The following ASTN1 variants were observed in gnomAD, a reference collection of about 807,000 sequenced individuals.
ASTN1 encodes astrotactin-1.
ASTN1 carries 41 observed loss-of-function variants against 140.7 expected under a neutral mutation model. That is an observed-to-expected ratio of 0.29 (90% CI 0.23 to 0.38). ASTN1 has a LOEUF of 0.38. Among genes scored for constraint, ASTN1 ranks in the 10% least tolerant of loss-of-function variants. The pLI, the probability that ASTN1 is intolerant of heterozygous loss-of-function variation, is 1.00. For missense variants in ASTN1, 1,479 were observed against 1,678.8 expected (o/e 0.88, Z 2.08); for synonymous variants, 640 against 652.2 (o/e 0.98, Z 0.29).
At chr1:176,917,435 A>G (rs1200223361) in intron 16 of ASTN1, among the ~76,000 whole-genome samples, 3 of 152,100 alleles carry the variant, frequency 2.0e-5, no homozygotes, top group African/African-American at 4.8e-5. Flanking sequence ...GTGGATGACC[A>G]TGCTTCATCT....
chr1:177,056,692 A>C (rs1203484248), intron 2 of ASTN1, among the ~76,000 whole-genome samples: 1 of 152,150 alleles, frequency 6.6e-6, no homozygotes, highest in East Asian at 1.9e-4. Flanking sequence ...CTTTAATTAA[A>C]GAGATGAAAT....
At chr1:176,930,427 G>C (rs1297032556) in intron 16 of ASTN1, among the ~76,000 whole-genome samples, 2 of 152,158 alleles carry the variant, frequency 1.3e-5, no homozygotes, top group African/African-American at 2.4e-5. Context: ...GCTGCAAAAG[G>C]ACAGCGCCCA....
intron 6 of ASTN1, 67 bp from the exon 7 acceptor site, chr1:177,023,638 G>A: frequency 6.9e-7 from 1 of 1,447,558 alleles, no homozygotes; most frequent in Non-Finnish European, 9.1e-7. Context: ...AGCCACCGAA[G>A]ACAAGGAAAT....
chr1:176,882,987 C>A lies in ASTN1; in HGVS notation c.3234G>T (p.Val1078=), dbSNP rs1336985551. The stretch of plus-strand genomic sequence containing the variant: ...AGATGATGTCGTCCACAAAGCTCAG[C>A]ACTGTTTCTGCCCAGAGGAGAAGGA... ...MDHSKVETET[V]LSFVDDIISG... is the part of the protein sequence containing the mutation. The change falls in exon 20 of 23, where the codon GTG becomes GTT. Residue 1078 remains valine (V), a synonymous_variant. Coordinates refer to ENST00000361833, the MANE Select transcript of ASTN1 (RefSeq NM_004319.3). The A allele has an allele frequency of 6.2e-7, 1 of 1,614,092 alleles. No homozygotes were observed. Among genetic ancestry groups the A allele is most frequent in the South Asian group, 1.1e-5 (1 of 91,080 alleles).
At chr1:176,902,879 G>A (rs888933160) in intron 16 of ASTN1, among the ~76,000 whole-genome samples, 1 of 152,184 alleles carries the variant, frequency 6.6e-6, no homozygotes, top group Non-Finnish European at 1.5e-5. Context: ...CACAGCCCAT[G>A]CATCTTAAGA....
intron 1 of ASTN1, among the ~76,000 whole-genome samples, chr1:177,141,579 G>A (rs1166592653): frequency 6.6e-6 from 1 of 152,138 alleles, no homozygotes; most frequent in African/African-American, 2.4e-5. Context: ...ACTCTGTGGG[G>A]ACTTGTAGGG....
chr1:177,022,804 C>A (rs1246198794), intron 7 of ASTN1, among the ~76,000 whole-genome samples: 3 of 152,064 alleles, frequency 2.0e-5, no homozygotes, highest in African/African-American at 7.2e-5. Context: ...TATAGACATA[C>A]AACGGAATAC....
intron 1 of ASTN1, among the ~76,000 whole-genome samples, chr1:177,094,009 C>T (rs1404455200): frequency 6.6e-6 from 1 of 152,074 alleles, no homozygotes; most frequent in African/African-American, 2.4e-5. Flanking sequence ...AAATGCCCTG[C>T]CAAAATTTCA....
intron 6 of ASTN1, 126 bp downstream of exon 6, chr1:177,024,457 T>C (rs1675995316): frequency 8.2e-7 from 1 of 1,226,956 alleles, no homozygotes; most frequent in African/African-American, 1.5e-5. Flanking sequence ...TCCTTACTTA[T>C]TTCAGTTTGG....
intron 16 of ASTN1, among the ~76,000 whole-genome samples, chr1:176,912,338 G>C (rs1670282830): frequency 6.6e-6 from 1 of 152,162 alleles, no homozygotes; most frequent in African/African-American, 2.4e-5. Flanking sequence ...ACATGGCTCT[G>C]CTTCAATAAA....
intron 1 of ASTN1, among the ~76,000 whole-genome samples, chr1:177,105,533 T>C (rs7519595): frequency 0.48 from 72,516 of 151,810 alleles, 18,313 homozygotes; most frequent in Middle Eastern, 0.58. Context: ...TTGGAAATGT[T>C]CTGTGGCGAT....
chr1:177,029,959 C>A (rs1037834375), intron 4 of ASTN1, among the ~76,000 whole-genome samples: 1 of 152,180 alleles, frequency 6.6e-6, no homozygotes, highest in African/African-American at 2.4e-5. Flanking sequence ...CCTGCCCCAC[C>A]CACTTCCCTC....
At chr1:177,003,275 T>TAA (rs11414408) in intron 8 of ASTN1, among the ~76,000 whole-genome samples, 568 of 146,682 alleles carry the variant, frequency 3.9e-3, no homozygotes, top group African/African-American at 0.012. Flanking sequence ...AACAACACAT[T>TAA]AAAAAAAAAA....
At position 176,936,847 on chromosome 1, in the gene ASTN1, G is replaced by A. The variant is rs77391769; in HGVS notation, c.2378-477C>T. Among the ~76,000 whole-genome samples, 257 of 152,184 alleles carry A rather than the reference G, an allele frequency of 1.7e-3. 4 individuals carry two copies. The highest frequency in any genetic ancestry group is 0.012 in the East Asian group (60 of 5,182). The stretch of plus-strand genomic sequence containing the variant: ...TGACCCCTTGCTTCCTTTTCAATTC[G>A]GATTTCTACCAGCTGTATGGTTTTG... On this transcript the variant is annotated intron_variant, in intron 14 of 22. Coordinates refer to ENST00000361833, the MANE Select transcript of ASTN1 (RefSeq NM_004319.3).
At chr1:176,919,275 G>A (rs948942377) in intron 16 of ASTN1, among the ~76,000 whole-genome samples, 3 of 152,224 alleles carry the variant, frequency 2.0e-5, no homozygotes, top group East Asian at 3.9e-4. Flanking sequence ...TTTTAAGAAA[G>A]AATAACTTAT....
chr1:176,991,436 C>CAAAAAAAAAAAAAAAAAAAAAAAAAACAA (rs1173420812), intron 8 of ASTN1, among the ~76,000 whole-genome samples: 2 of 13,834 alleles, frequency 1.4e-4, no homozygotes, highest in African/African-American at 4.2e-4. Context: ...AAAAAAAAAC[C>CAAAAAAAAAAAAAAAAAAAAAAAAAACAA]AAAAAAAAAA....
At chr1:176,923,551 A>G (rs1670827857) in intron 16 of ASTN1, among the ~76,000 whole-genome samples, 1 of 152,186 alleles carries the variant, frequency 6.6e-6, no homozygotes, top group Admixed American at 6.5e-5. Context: ...AATAAGTACA[A>G]TAAGACATTT....
At chr1:176,999,808 G>A (rs959294312) in intron 8 of ASTN1, among the ~76,000 whole-genome samples, 1 of 152,078 alleles carries the variant, frequency 6.6e-6, no homozygotes, top group Non-Finnish European at 1.5e-5. Flanking sequence ...ATGGTTTTAT[G>A]TGTCTGGCAT....
chr1:177,027,025 C>T (rs1238062182), intron 5 of ASTN1, among the ~76,000 whole-genome samples: 1 of 152,188 alleles, frequency 6.6e-6, no homozygotes. Context: ...AAGAAAACCA[C>T]AAACCTGCAC....
Sources: allele counts gnomAD v4.1 joint callset (sites outside exome capture counted in the v4.1 genomes callset), GRCh38; gene constraint gnomAD v4.1.1; transcripts MANE v1.5; gene names NCBI Gene and HGNC (gene_info 2026-07-23, HGNC 2026-07-21).